IGSF11: variants seen among roughly 807,000 people sequenced by gnomAD.
IGSF11 encodes the protein CXADR like 1.
Under a neutral mutation model 41.0 loss-of-function variants are expected in IGSF11, and 22 were observed. The ratio of observed to expected loss-of-function variants is 0.54; its 90% CI spans 0.38 to 0.77. IGSF11 has a LOEUF of 0.77. Among genes scored for constraint, IGSF11 ranks in the 30% least tolerant of loss-of-function variants. The pLI is 0.00. For missense variants in IGSF11, 444 were observed against 530.8 expected, an observed-to-expected ratio of 0.84 and a Z score of 1.61; for synonymous variants, 219 against 201.3, an observed-to-expected ratio of 1.09 and a Z score of -0.74.
chr3:119,127,022 G>T (rs2077413446), intron 1 of IGSF11, among the ~76,000 whole-genome samples: 3 of 152,126 alleles, frequency 2.0e-5, no homozygotes, highest in African/African-American at 7.2e-5. Flanking sequence ...ACTGGATGGA[G>T]GATCAGATGA....
chr3:118,902,377 G>A lies in IGSF11; in HGVS notation c.*143C>T, dbSNP rs1182000754. ...CCATTTTACACATCTTAGTGGCCAA[G>A]TAACAGCACTGCCTTCTTCTTTGTG... On this transcript the variant is annotated 3_prime_UTR_variant, in exon 7 of 7. Transcript: ENST00000393775. The A allele has an allele frequency of 1.2e-5, 8 of 664,330 alleles. No individual in the cohort carries two copies. Among genetic ancestry groups the A allele is most frequent in the Non-Finnish European group, 1.5e-5 (6 of 391,456 alleles). 41.2% of individuals were successfully genotyped at this position (664,330 alleles called of 1,614,324 possible). A position where few individuals can be genotyped will look rare whatever the true frequency, so the allele number is the denominator to read the frequency against.
chr3:119,122,938 G>C (rs1290201561), intron 1 of IGSF11, among the ~76,000 whole-genome samples: 3 of 152,186 alleles, frequency 2.0e-5, no homozygotes, highest in Non-Finnish European at 4.4e-5. Context: ...GCTATGGTGA[G>C]AGGCTCCATC....
At chr3:119,010,172 C>A (rs1241154800) in intron 1 of IGSF11, among the ~76,000 whole-genome samples, 3 of 152,180 alleles carry the variant, frequency 2.0e-5, no homozygotes, top group Non-Finnish European at 2.9e-5. Flanking sequence ...TATTGCAGAG[C>A]TGAGAAGATT....
At chr3:118,947,911 TA>T (rs1230885254) in intron 1 of IGSF11, 3 of 152,224 alleles carry the variant, frequency 2.0e-5, no homozygotes, top group Non-Finnish European at 4.4e-5. Context: ...TACAGATTAT[TA>T]AATATAGCTA....
intron 1 of IGSF11, among the ~76,000 whole-genome samples, chr3:119,082,360 T>C (rs2076599015): frequency 6.6e-6 from 1 of 152,080 alleles, no homozygotes. Flanking sequence ...TGGCAGGCAA[T>C]GCAAAGAGGA....
chr3:118,910,703 C>A (rs1385899105), intron 4 of IGSF11, among the ~76,000 whole-genome samples: 1 of 152,202 alleles, frequency 6.6e-6, no homozygotes, highest in African/African-American at 2.4e-5. Context: ...TCCAGCTCCT[C>A]TCTGGTCAAA....
At chr3:119,115,436 A>G (rs2077242261) in intron 1 of IGSF11, among the ~76,000 whole-genome samples, 1 of 152,194 alleles carries the variant, frequency 6.6e-6, no homozygotes, top group Admixed American at 6.5e-5. Flanking sequence ...TTTGGATAAA[A>G]GCCATTTTAA....
At chr3:119,036,336 A>T (rs1940901009), upstream of IGSF11, among the ~76,000 whole-genome samples, 1 of 152,154 alleles carries the variant, frequency 6.6e-6, no homozygotes, top group Non-Finnish European at 1.5e-5. Context: ...ATTCTTTTAA[A>T]CTCCAGGGTA....
intron 1 of IGSF11, among the ~76,000 whole-genome samples, chr3:118,980,705 GATAA>G (rs1267252827): frequency 6.6e-6 from 1 of 152,158 alleles, no homozygotes; most frequent in East Asian, 1.9e-4. Context: ...ACACAGAAAT[GATAA>G]ATACTTGGAT....
chr3:119,081,905 A>G (rs2076592754), intron 1 of IGSF11, among the ~76,000 whole-genome samples: 1 of 152,202 alleles, frequency 6.6e-6, no homozygotes, highest in African/African-American at 2.4e-5. Flanking sequence ...AAGCCAAGGT[A>G]AGCACTGAGA....
intron 1 of IGSF11, among the ~76,000 whole-genome samples, chr3:118,974,052 C>A (rs184328026): frequency 6.6e-6 from 1 of 151,858 alleles, no homozygotes; most frequent in East Asian, 1.9e-4. Context: ...CCATGGCATA[C>A]GTTTACCTAT....
chr3:119,110,589 C>CA (rs1559873591), intron 1 of IGSF11, among the ~76,000 whole-genome samples: 1 of 152,164 alleles, frequency 6.6e-6, no homozygotes, highest in African/African-American at 2.4e-5. Flanking sequence ...AGTCCATTTA[C>CA]ATTTAAAGTT....
At chr3:119,067,830 C>A (rs1251292561) in intron 1 of IGSF11, among the ~76,000 whole-genome samples, 1 of 152,184 alleles carries the variant, frequency 6.6e-6, no homozygotes, top group South Asian at 2.1e-4. Flanking sequence ...TTCACCTACC[C>A]TCTCTAGATT....
At chr3:119,131,215 A>G (rs557193621) in intron 1 of IGSF11, among the ~76,000 whole-genome samples, 10 of 152,352 alleles carry the variant, frequency 6.6e-5, no homozygotes, top group African/African-American at 2.4e-4. Flanking sequence ...ACAAGTTGAC[A>G]GAAGTAGGGT....
intron 4 of IGSF11, among the ~76,000 whole-genome samples, chr3:118,911,725 G>C (rs1940331625): frequency 6.6e-6 from 1 of 150,702 alleles, no homozygotes; most frequent in African/African-American, 2.5e-5. Flanking sequence ...GAGACACAGA[G>C]AGAGAGAGAG....
intron 4 of IGSF11, among the ~76,000 whole-genome samples, chr3:118,907,856 T>G (rs1939799164): frequency 6.6e-6 from 1 of 152,226 alleles, no homozygotes; most frequent in Non-Finnish European, 1.5e-5. Flanking sequence ...TAAAACCACA[T>G]TATTCTAGAG....
intron 1 of IGSF11, among the ~76,000 whole-genome samples, chr3:118,970,963 G>A (rs888768260): frequency 3.3e-5 from 5 of 152,102 alleles, no homozygotes; most frequent in African/African-American, 1.2e-4. Context: ...TGCAGAACAG[G>A]CAACAATAAA....
chr3:119,034,846 T>C lies in IGSF11; in HGVS notation c.-264A>G. ...GTGCCACCCAGCCCTGCCCCAGGAC[T>C]AGCCGACCCCTCGCGCAGTCCGGGG... On this transcript the variant is annotated 5_prime_UTR_variant, in exon 1 of 7. Transcript: ENST00000393775. 2 of 1,221,868 alleles carry C rather than the reference T, an allele frequency of 1.6e-6. No individual in the cohort carries two copies. Among genetic ancestry groups the C allele is most frequent in the South Asian group, 4.0e-5 (1 of 25,228 alleles). The allele number at this position is 1,221,868 out of a possible 1,614,324, so 75.7% of individuals were successfully genotyped here.
rs545377646 is a variant in IGSF11 at position 118,924,048 on chromosome 3, C to T, written c.580+2053G>A. On this transcript the variant is annotated intron_variant, in intron 4 of 6. Transcript: ENST00000393775. ...TCACCTCAATGATGATTTTCTAACT[C>T]CATGATTCCTTGTATACACATTAGT... is the stretch of plus-strand genomic sequence containing the variant. 4.6e-5 allele frequency among the ~76,000 whole-genome samples: 7 copies of T among 152,222 alleles called. No individual in the cohort carries two copies. In the East Asian group the frequency reaches 1.4e-3, roughly 29 times the overall value.
Sources: allele counts gnomAD v4.1 joint callset (sites outside exome capture counted in the v4.1 genomes callset), GRCh38; gene constraint gnomAD v4.1.1; transcripts MANE v1.5; gene names NCBI Gene and HGNC (gene_info 2026-07-23, HGNC 2026-07-21).